SARNP: variants seen among roughly 807,000 people sequenced by gnomAD.
SARNP encodes the protein SAP domain containing ribonucleoprotein.
SARNP carries 5 observed loss-of-function variants against 38.1 expected under a neutral mutation model. That is an observed-to-expected ratio of 0.13 (90% CI 0.07 to 0.28). The LOEUF (loss-of-function observed/expected upper bound fraction) is 0.28. Among genes scored for constraint, SARNP ranks in the 10% least tolerant of loss-of-function variants. The pLI is 1.00. For missense variants in SARNP, 180 were observed against 243.9 expected (o/e 0.74, Z 1.75); for synonymous variants, 84 against 80.6 (o/e 1.04, Z -0.23).
chr12:55,778,463 G>C (rs190397661), intron 9 of SARNP, among the ~76,000 whole-genome samples: 172 of 152,214 alleles, frequency 1.1e-3, no homozygotes, highest in African/African-American at 4.0e-3. Context: ...CCTTTAAACA[G>C]CTCCTTTTAC....
intron 1 of SARNP, among the ~76,000 whole-genome samples, chr12:55,806,134 T>C (rs945627975): frequency 6.6e-6 from 1 of 152,110 alleles, no homozygotes; most frequent in Admixed American, 6.5e-5. Flanking sequence ...GCCAGACTAC[T>C]TAGGTTTGAA....
At chr12:55,800,190 C>CAA (rs11393903) in intron 4 of SARNP, among the ~76,000 whole-genome samples, 2 of 139,566 alleles carry the variant, frequency 1.4e-5, no homozygotes, top group African/African-American at 5.2e-5. Flanking sequence ...GATCCTGTCT[C>CAA]AAAAAAAAAA....
chr12:55,755,126 T>C (rs1878465330), downstream of SARNP: 1 of 152,134 alleles, frequency 6.6e-6, no homozygotes, highest in Non-Finnish European at 1.5e-5. Context: ...ATAAGTGGCA[T>C]TGCCAGAGGC....
chr12:55,766,571 A>G lies in SARNP; in HGVS notation c.502-5931T>C, dbSNP rs551363705. Among the ~76,000 whole-genome samples, 5 of 141,778 alleles carry G rather than the reference A, an allele frequency of 3.5e-5. No homozygotes were observed. In the South Asian group the frequency reaches 1.1e-3, roughly 31 times the overall value. The allele number at this position is 141,778 out of a possible 152,430, so 93.0% of individuals were successfully genotyped here. A position where few individuals can be genotyped will look rare whatever the true frequency, so the allele number is the denominator to read the frequency against. ...GTGCAAAAGAGGAGAGAGTACCTAT[A>G]TAAGAACAGAAAGCATAGTCTATAT... On this transcript the variant is annotated intron_variant, in intron 9 of 10. Transcript: ENST00000336133.
At chr12:55,791,706 A>C (rs898448060) in intron 7 of SARNP, among the ~76,000 whole-genome samples, 11 of 152,004 alleles carry the variant, frequency 7.2e-5, no homozygotes, top group African/African-American at 2.2e-4. Flanking sequence ...AAAAAGAAAA[A>C]AAGAAAAAAA....
chr12:55,808,488 T>G (rs185969890), intron 1 of SARNP, among the ~76,000 whole-genome samples: 12 of 152,236 alleles, frequency 7.9e-5, no homozygotes, highest in Admixed American at 7.2e-4. Context: ...GCTAATTTAG[T>G]GTTTTCCCAT....
chr12:55,814,108 TA>T (rs1291719568), intron 1 of SARNP, among the ~76,000 whole-genome samples: 25 of 152,334 alleles, frequency 1.6e-4, no homozygotes, highest in Admixed American at 4.6e-4. Flanking sequence ...GAAGAGTTAG[TA>T]ACTATGCTGG....
chr12:55,789,239 G>T, intron 8 of SARNP, 96 bp from the exon 9 acceptor site: 1 of 809,948 alleles, frequency 1.2e-6, no homozygotes. Flanking sequence ...GTTCAAATAA[G>T]CCTATAACAT....
At chr12:55,753,433 T>G (rs1878391556), downstream of SARNP, 1 of 152,172 alleles carries the variant, frequency 6.6e-6, no homozygotes, top group Non-Finnish European at 1.5e-5. Flanking sequence ...GAATATGAGT[T>G]GGGAATGGCA....
intron 3 of SARNP, 69 bp from the exon 4 acceptor site, chr12:55,800,698 C>G: frequency 7.2e-7 from 1 of 1,386,016 alleles, no homozygotes; most frequent in Non-Finnish European, 1.0e-6. Context: ...AGAAGAACAT[C>G]AGAACTCCAA....
intron 9 of SARNP, among the ~76,000 whole-genome samples, chr12:55,774,071 C>A (rs1316307415): frequency 6.6e-6 from 1 of 152,090 alleles, no homozygotes; most frequent in Non-Finnish European, 1.5e-5. Flanking sequence ...GTGGCACAAC[C>A]ATAGCTCGCT....
At chr12:55,778,801 C>A (rs999216335) in intron 9 of SARNP, among the ~76,000 whole-genome samples, 1 of 152,086 alleles carries the variant, frequency 6.6e-6, no homozygotes, top group African/African-American at 2.4e-5. Flanking sequence ...GAAACTCTGT[C>A]TCTACTAAAG....
chr12:55,800,516 A>C (rs1278251050), intron 4 of SARNP, 46 bp downstream of exon 4: 2 of 1,264,666 alleles, frequency 1.6e-6, no homozygotes, highest in Admixed American at 4.2e-5. Context: ...ACATTAAGAA[A>C]AGAGCTGCCT....
chr12:55,785,314 A>G (rs1281436980), intron 9 of SARNP, among the ~76,000 whole-genome samples: 3 of 152,144 alleles, frequency 2.0e-5, no homozygotes, highest in Admixed American at 2.0e-4. Context: ...GGGCGCTGAA[A>G]TCTTATCAAT....
chr12:55,800,993 C>CA, intron 2 of SARNP, 93 bp from the exon 3 acceptor site: 1 of 1,060,690 alleles, frequency 9.4e-7, no homozygotes, highest in Non-Finnish European at 1.5e-6. Context: ...TGCTTTCCCC[C>CA]AAAAAATCCA....
intron 10 of SARNP, among the ~76,000 whole-genome samples, chr12:55,758,000 CA>C (rs1475921677): frequency 6.6e-6 from 1 of 152,120 alleles, no homozygotes; most frequent in Non-Finnish European, 1.5e-5. Context: ...CCCTTCTGAG[CA>C]GTCAGGCCCA....
chr12:55,799,106 AC>A (rs1879903880), intron 4 of SARNP, among the ~76,000 whole-genome samples: 1 of 152,214 alleles, frequency 6.6e-6, no homozygotes, highest in African/African-American at 2.4e-5. Context: ...ACATGTACAG[AC>A]CCCATATATA....
At chr12:55,760,883 GA>G (rs1878653990) in intron 9 of SARNP, 2 of 415,584 alleles carry the variant, frequency 4.8e-6, no homozygotes, top group South Asian at 1.1e-4. Flanking sequence ...GTAGGGTAAA[GA>G]AACAGTAAGA....
chr12:55,760,342 A>T (rs1400543766), intron 10 of SARNP: 2 of 538,586 alleles, frequency 3.7e-6, no homozygotes, highest in African/African-American at 3.8e-5. Context: ...CTCTACTTAA[A>T]TAAATAAATA....
Sources: allele counts gnomAD v4.1 joint callset (sites outside exome capture counted in the v4.1 genomes callset), GRCh38; gene constraint gnomAD v4.1.1; transcripts MANE v1.5; gene names NCBI Gene and HGNC (gene_info 2026-07-23, HGNC 2026-07-21).